PRKAR1A: variants seen among roughly 807,000 people sequenced by gnomAD.
The protein encoded by PRKAR1A is cAMP-dependent protein kinase type I-alpha regulatory subunit.
In PRKAR1A, 3 loss-of-function variants were observed where a neutral mutation model predicts 52.0. The ratio of observed to expected loss-of-function variants is 0.06; its 90% CI spans 0.03 to 0.15. PRKAR1A has a LOEUF of 0.15. Among genes scored for constraint, PRKAR1A ranks in the 10% least tolerant of loss-of-function variants. The probability of loss-of-function intolerance (pLI) is 1.00; values close to 1 mark genes in which losing one functional copy is unlikely to be tolerated. For synonymous variants in PRKAR1A, 188 were observed against 168.4 expected (o/e 1.12, Z -0.90); for missense variants, 240 against 477.4 (o/e 0.50, Z 4.63).
chr17:68,516,327 A>G (rs1019533370), intron 2 of PRKAR1A, among the ~76,000 whole-genome samples: 4 of 152,300 alleles, frequency 2.6e-5, no homozygotes, highest in African/African-American at 9.6e-5. Flanking sequence ...GAAACGATGA[A>G]TGAAAAAGTC....
the PRKAR1A span, among the ~76,000 whole-genome samples, chr17:68,453,808 T>A: frequency 6.6e-6 from 1 of 152,158 alleles, no homozygotes; most frequent in South Asian, 2.1e-4. Flanking sequence ...TAGTAGGTCA[T>A]TAGTAGGTAA....
At chr17:68,420,991 G>A in the PRKAR1A span, 3 of 155,106 alleles carry the variant, frequency 1.9e-5, no homozygotes, top group African/African-American at 7.3e-5. Flanking sequence ...TCTTTAATAT[G>A]CAAACAAATC....
At chr17:68,528,766 G>A (rs2085871660) in intron 8 of PRKAR1A, 104 bp from the exon 9 acceptor site, 1 of 1,452,446 alleles carries the variant, frequency 6.9e-7, no homozygotes, top group Non-Finnish European at 9.6e-7. Flanking sequence ...CTACTAGAAT[G>A]TTGAATGGGC....
intron 2 of PRKAR1A, 145 bp downstream of exon 2, chr17:68,515,721 T>A: frequency 9.8e-7 from 1 of 1,023,970 alleles, no homozygotes; most frequent in Non-Finnish European, 1.4e-6. Flanking sequence ...GAAATACAGT[T>A]AAGGCATTTG....
intron 8 of PRKAR1A, 141 bp downstream of exon 8, chr17:68,528,041 CTG>C (rs1451568787): frequency 6.9e-6 from 5 of 728,058 alleles, no homozygotes; most frequent in Non-Finnish European, 1.2e-5. Flanking sequence ...GTCCTTCTGA[CTG>C]TGGACATTCA....
intron 11 of PRKAR1A, among the ~76,000 whole-genome samples, chr17:68,549,888 T>C (rs918581222): frequency 6.6e-6 from 1 of 152,232 alleles, no homozygotes; most frequent in African/African-American, 2.4e-5. Context: ...TTACATATTT[T>C]AGTACCCTAT....
the PRKAR1A span, among the ~76,000 whole-genome samples, chr17:68,493,226 C>T: frequency 6.6e-6 from 1 of 152,016 alleles, no homozygotes; most frequent in East Asian, 1.9e-4. Context: ...GTTCAGCAAA[C>T]CACCATGGCA....
downstream of PRKAR1A, chr17:68,536,153 G>A (rs1244620714): frequency 2.2e-6 from 1 of 454,116 alleles, no homozygotes; most frequent in Non-Finnish European, 4.4e-6. Flanking sequence ...TTGTCCAGTC[G>A]AGGCTATCTT....
chr17:68,471,934 G>T, the PRKAR1A span, among the ~76,000 whole-genome samples: 165 of 152,174 alleles, frequency 1.1e-3, 1 homozygote, highest in African/African-American at 3.8e-3. Flanking sequence ...CCGAGTAGCT[G>T]GGATTACAGG....
At chr17:68,447,678 T>C in the PRKAR1A span, among the ~76,000 whole-genome samples, 7 of 152,254 alleles carry the variant, frequency 4.6e-5, no homozygotes, top group Non-Finnish European at 1.0e-4. Flanking sequence ...CTTGGCCCTT[T>C]CCTTCCTATA....
At chr17:68,470,467 A>G in the PRKAR1A span, among the ~76,000 whole-genome samples, 1 of 152,274 alleles carries the variant, frequency 6.6e-6, no homozygotes, top group Non-Finnish European at 1.5e-5. Flanking sequence ...AAGCACATTG[A>G]GAACCAAAGA....
the PRKAR1A span, among the ~76,000 whole-genome samples, chr17:68,490,656 C>T: frequency 2.0e-5 from 3 of 151,712 alleles, no homozygotes; most frequent in South Asian, 2.1e-4. Context: ...ATCTGAGGGG[C>T]GTGTCCTGTG....
intron 2 of PRKAR1A, among the ~76,000 whole-genome samples, chr17:68,516,143 C>G (rs1042001798): frequency 6.6e-6 from 1 of 152,040 alleles, no homozygotes; most frequent in African/African-American, 2.4e-5. Context: ...TTTTATTGGT[C>G]AGGACTTGTT....
In PRKAR1A at chr17:68,531,414, G is replaced by A. The variant is rs914945692; in HGVS notation, c.*965G>A. On this transcript the variant is annotated 3_prime_UTR_variant, in exon 11 of 11. Transcript: ENST00000589228. ...ATTGGATTTGCTGTGACTAGATACAGATGGAGCAAATGTCCTAACAGAGAA... is the reference window on the plus strand; with the variant it reads ...ATTGGATTTGCTGTGACTAGATACAAATGGAGCAAATGTCCTAACAGAGAA... The A allele has an allele frequency of 2.9e-4, 311 of 1,065,980 alleles. 2 individuals are homozygous for A. In the African/African-American group the frequency reaches 4.8e-3, roughly 16 times the overall value. 66.0% of individuals were successfully genotyped at this position (1,065,980 alleles called of 1,614,324 possible). A position where few individuals can be genotyped will look rare whatever the true frequency, so the allele number is the denominator to read the frequency against.
At chr17:68,521,393 C>T (rs2085603529) in intron 2 of PRKAR1A, among the ~76,000 whole-genome samples, 1 of 152,174 alleles carries the variant, frequency 6.6e-6, no homozygotes, top group Non-Finnish European at 1.5e-5. Context: ...CCACGCCCAA[C>T]TAATTTTTAT....
chr17:68,525,333 C>T (rs913692448), intron 6 of PRKAR1A, among the ~76,000 whole-genome samples: 1 of 146,546 alleles, frequency 6.8e-6, no homozygotes, highest in Non-Finnish European at 1.5e-5. Context: ...CAGCCATTAG[C>T]TAGCAAAATT....
downstream of PRKAR1A, chr17:68,535,509 C>A (rs1568711539): frequency 2.2e-6 from 1 of 454,066 alleles, no homozygotes; most frequent in East Asian, 6.9e-5. Context: ...TTTCCCATTT[C>A]TGTGTGTGAT....
chr17:68,510,195 G>GAGAGAGAT (rs1164168629), upstream of PRKAR1A, among the ~76,000 whole-genome samples: 46 of 148,772 alleles, frequency 3.1e-4, no homozygotes, highest in African/African-American at 7.2e-4. Context: ...GAGAGAGAGA[G>GAGAGAGAT]ATCTATCTAT....
chr17:68,536,689 C>T (rs1369469180), downstream of PRKAR1A: 1 of 453,222 alleles, frequency 2.2e-6, no homozygotes, highest in Non-Finnish European at 4.4e-6. Flanking sequence ...GGCTTGTGTC[C>T]CTGCTAGGCC....
Sources: gnomAD v4.1 joint callset for allele counts (sites outside exome capture counted in the v4.1 genomes callset) on GRCh38, gnomAD v4.1.1 for gene constraint, MANE v1.5 for transcripts, NCBI Gene and HGNC (gene_info 2026-07-23, HGNC 2026-07-21) for gene names.